Variants in NAPRT observed in about 807,000 individuals in gnomAD.
NAPRT encodes the protein FHA-HIT-interacting protein.
NAPRT carries 66 observed loss-of-function variants against 60.7 expected under a neutral mutation model. The ratio of observed to expected loss-of-function variants is 1.09; its 90% confidence interval spans 0.89 to 1.33. The LOEUF is 1.33. Among genes scored for constraint, NAPRT ranks in the 40% most tolerant of loss-of-function variants. The pLI is 0.00. For synonymous variants in NAPRT, 405 were observed against 335.7 expected, an observed-to-expected ratio of 1.21 and a Z score of -2.26; for missense variants, 818 against 731.5, an observed-to-expected ratio of 1.12 and a Z score of -1.36.
In NAPRT at chr8:143,577,108, T is replaced by C; in HGVS notation, c.638A>G (p.His213Arg). Reference sequence around the variant, plus strand: ...GCCTGAAAAGGAAGTGACGAAGGAGTGGGCCAGGGTCCCGGCCACCGGCAC... The same window carrying C: ...GCCTGAAAAGGAAGTGACGAAGGAGCGGGCCAGGGTCCCGGCCACCGGCAC... ...RGVPVAGTLA[H>R]SFVTSFSGSE... Residue 213 changes from histidine (H) to arginine (R), a missense_variant, in exon 5 of 13, where the codon CAC (histidine) becomes CGC (arginine). Physicochemically the swap from His to Arg is conservative, Grantham distance 29. Coordinates refer to ENST00000449291, the MANE Select transcript of NAPRT (RefSeq NM_145201.6). 1.2e-6 allele frequency: 2 copies of C among 1,612,730 alleles called. No individual in the cohort carries two copies. Among genetic ancestry groups the C allele is most frequent in the Non-Finnish European group, 1.7e-6 (2 of 1,179,852 alleles).
Position 143,576,762 on chromosome 8 carries a change from G to C in NAPRT, c.765C>G (p.Ala255=). Residue 255 remains alanine (A), a synonymous_variant, in exon 6 of 13, where the codon GCC becomes GCG. Transcript: ENST00000449291. ...GCTCCTGCACCCCCAGCCCCAGGTG[G>C]GCACACACCTGCTCCAGCCACACCT... ...KAQVWLEQVC[A]HLGLGVQEPH... The C allele has an allele frequency of 6.2e-7, 1 of 1,607,932 alleles. No individual in the cohort carries two copies. The highest frequency in any genetic ancestry group is 8.5e-7 in the Non-Finnish European group (1 of 1,178,838).
intron 3 of NAPRT, 38 bp from the exon 4 acceptor site, chr8:143,577,437 G>C (rs1824555135): frequency 6.3e-7 from 1 of 1,585,998 alleles, no homozygotes; most frequent in African/African-American, 1.3e-5. Flanking sequence ...CCAGGGTGAG[G>C]ATCACTAGGC....
rs1442248246 is a variant in NAPRT at position 143,574,999 on chromosome 8, G to A, written c.1541C>T (p.Pro514Leu). ...CCTCCCCCCAACCTGGTACTGTGCA[G>A]GGCTCCGCAGCCGCCTGTGCTCAGG... The part of the protein sequence containing the change: ...LSPEHRRLRS[P>L]AQYQVVLSER... Residue 514 changes from proline to leucine, a missense_variant, in exon 12 of 13, where the codon CCT (proline) becomes CTT (leucine). Physicochemically the swap from Pro to Leu is moderately conservative, Grantham distance 98 (BLOSUM62 -3). Coordinates refer to ENST00000449291, the MANE Select transcript of NAPRT (RefSeq NM_145201.6). 7 of 1,529,758 alleles carry A rather than the reference G, an allele frequency of 4.6e-6. No individual in the cohort carries two copies. The African/African-American group carries it at 5.5e-5, about 12-fold the overall frequency. The allele number at this position is 1,529,758 out of a possible 1,614,324, so 94.8% of individuals were successfully genotyped here.
Position 143,575,622 on chromosome 8 carries a change from C to A in NAPRT, c.1188G>T (p.Lys396Asn). The A allele has an allele frequency of 6.3e-7, 1 of 1,592,842 alleles. No homozygotes were observed. The highest frequency in any genetic ancestry group is 8.5e-7 in the Non-Finnish European group (1 of 1,170,378). Reference protein sequence around the residue: ...PQQPSLGGVYKLVAVGGQPRM... With the variant: ...PQQPSLGGVYNLVAVGGQPRM... ...CCTGGGCCCCCGACACTGTCCCTAC[C>A]TTATAGACGCCACCCAGGGAAGGCT... is the stretch of plus-strand genomic sequence containing the variant. Residue 396 changes from lysine (K) to asparagine (N), a missense_variant and splice_region_variant, in exon 9 of 13, where the codon AAG becomes AAT. Physicochemically the swap from Lys to Asn is moderately conservative, Grantham distance 94 (BLOSUM62 0). Coordinates refer to ENST00000449291, the MANE Select transcript of NAPRT (RefSeq NM_145201.6).
In NAPRT at chr8:143,575,249, C is replaced by T; in HGVS notation, c.1388G>A (p.Cys463Tyr). 6.2e-7 allele frequency: 1 copy of T among 1,612,644 alleles called. No homozygotes were observed. Among genetic ancestry groups the T allele is most frequent in the Non-Finnish European group, 8.5e-7 (1 of 1,179,966 alleles). ...RVWPPGAQEP[C>Y]TVRPAQVEPL... Reference sequence around the variant, plus strand: ...CTCCACCTGGGCTGGCCTCACGGTGCAGGGCTCCTGGGCCCCTGGAGGCCA... The same window carrying T: ...CTCCACCTGGGCTGGCCTCACGGTGTAGGGCTCCTGGGCCCCTGGAGGCCA... Residue 463 changes from cysteine to tyrosine, a missense_variant, in exon 11 of 13, where the codon TGC (cysteine) becomes TAC (tyrosine). Physicochemically the swap from Cys to Tyr is radical, Grantham distance 194. Transcript: ENST00000449291.
rs1393823368 is a variant in NAPRT, at chr8:143,577,463, T to C, written c.438-64A>G. 5 of 1,537,816 alleles carry C rather than the reference T, an allele frequency of 3.3e-6. No homozygotes were observed. In the East Asian group the frequency reaches 1.2e-4, roughly 36 times the overall value. On this transcript the variant is annotated intron_variant, in intron 3 of 12. Transcript: ENST00000449291. ...ATCACTAGGCCACCCAAGACGGCGGTTACCTGGGGCCTGGAACTTCCAACC... is the reference window on the plus strand; with the variant it reads ...ATCACTAGGCCACCCAAGACGGCGGCTACCTGGGGCCTGGAACTTCCAACC...
chr8:143,577,321 C>T lies in NAPRT; in HGVS notation c.516G>A (p.Arg172=). The T allele has an allele frequency of 6.2e-7, 1 of 1,605,150 alleles. No homozygotes were observed. The highest frequency in any genetic ancestry group is 8.5e-7 in the Non-Finnish European group (1 of 1,176,946). Residue 172 remains arginine, a synonymous_variant, in exon 4 of 13, where the codon CGG becomes CGA. Transcript: ENST00000449291. ...TCAGGCCCCCATCGGGGCCCTGAGC[C>T]CGCCTCAGGCCCATCTCTAGCAGCC... ...EKRLLEMGLR[R]AQGPDGGLTA... is the part of the protein sequence containing the mutation.
At chr8:143,576,367 T>C in intron 7 of NAPRT, 65 bp downstream of exon 7, 2 of 1,548,412 alleles carry the variant, frequency 1.3e-6, no homozygotes, top group South Asian at 1.2e-5. Flanking sequence ...CTCACTGTCC[T>C]TCCCTGCCCA....
intron 3 of NAPRT, 43 bp from the exon 4 acceptor site, chr8:143,577,442 C>G (rs774009843): frequency 6.4e-5 from 100 of 1,573,642 alleles, no homozygotes; most frequent in Non-Finnish European, 3.5e-6. Flanking sequence ...GTGAGGATCA[C>G]TAGGCCACCC....
downstream of NAPRT, chr8:143,573,031 T>G: frequency 2.6e-6 from 1 of 382,740 alleles, no homozygotes; most frequent in Non-Finnish European, 4.7e-6. Context: ...CCACCCTGAC[T>G]ACCAGCCCCT....
chr8:143,575,977 T>C, intron 8 of NAPRT, 101 bp downstream of exon 8: 1 of 984,608 alleles, frequency 1.0e-6, no homozygotes, highest in Non-Finnish European at 1.5e-6. Context: ...GGGGTGGCAG[T>C]GCCCTGGGCG....
chr8:143,576,051 C>G (rs1193740133), intron 8 of NAPRT, 27 bp downstream of exon 8: 4 of 1,545,712 alleles, frequency 2.6e-6, no homozygotes, highest in Non-Finnish European at 3.5e-6. Context: ...CCCAGCCACC[C>G]TCCGCCTACC....
chr8:143,577,248 T>G (rs1236958877), intron 4 of NAPRT, 21 bp downstream of exon 4: 2 of 1,606,452 alleles, frequency 1.2e-6, no homozygotes, highest in Admixed American at 3.4e-5. Context: ...GCCCTTGCCT[T>G]GCCCCGCACC....
Position 143,577,951 on chromosome 8 carries a change from C to T in NAPRT, c.227-8G>A. Reference sequence around the variant, plus strand: ...AGGCCAGGAACTGCACGTCTGGAAACGAGGTAACTGCGCTGAGACCAGCGC... The same window carrying T: ...AGGCCAGGAACTGCACGTCTGGAAATGAGGTAACTGCGCTGAGACCAGCGC... On this transcript the variant is annotated splice_region_variant and splice_polypyrimidine_tract_variant and intron_variant, in intron 1 of 12. Transcript: ENST00000449291. 1.2e-6 allele frequency: 2 copies of T among 1,606,970 alleles called. No individual in the cohort carries two copies. The highest frequency in any genetic ancestry group is 2.2e-5 in the South Asian group (2 of 90,636).
chr8:143,574,762 G>T, downstream of NAPRT: 3 of 1,532,872 alleles, frequency 2.0e-6, no homozygotes, highest in South Asian at 3.6e-5. Context: ...GTGAACAAAC[G>T]ACACAAACAA....
At position 143,578,323 on chromosome 8, in the gene NAPRT, C is replaced by A; in HGVS notation, c.-5G>T. ...GGGGTCCTGCTCCGCCGCCATCCTGCTCCCGACGTCCGGACTCCGCCCCGC... is the reference window on the plus strand; with the variant it reads ...GGGGTCCTGCTCCGCCGCCATCCTGATCCCGACGTCCGGACTCCGCCCCGC... On this transcript the variant is annotated 5_prime_UTR_variant, in exon 1 of 13. Coordinates refer to ENST00000449291, the MANE Select transcript of NAPRT (RefSeq NM_145201.6). The A allele has an allele frequency of 3.0e-6, 4 of 1,353,384 alleles. No individual in the cohort carries two copies. Among genetic ancestry groups the A allele is most frequent in the Non-Finnish European group, 3.8e-6 (4 of 1,061,712 alleles). The allele number at this position is 1,353,384 out of a possible 1,614,324, so 83.8% of individuals were successfully genotyped here. A position where few individuals can be genotyped will look rare whatever the true frequency, so the allele number is the denominator to read the frequency against.
downstream of NAPRT, chr8:143,574,504 C>T (rs1002724586): frequency 8.3e-5 from 43 of 515,466 alleles, no homozygotes; most frequent in South Asian, 2.3e-4. Flanking sequence ...GCAGCAACTC[C>T]CTCAACTCCA....
Position 143,576,075 on chromosome 8 carries a change from C to T in NAPRT, c.1107+3G>A. On this transcript the variant is annotated splice_donor_region_variant and intron_variant, in intron 8 of 12. Transcript: ENST00000449291. ...CCTCCGCCTACCCACTCATCCACCC[C>T]ACCTCCTGGGCCAGTCGGGCCAGCG... 10 of 1,583,252 alleles carry T rather than the reference C, an allele frequency of 6.3e-6. No homozygotes were observed. The highest frequency in any genetic ancestry group is 8.6e-6 in the Non-Finnish European group (10 of 1,161,484).
At position 143,578,169 on chromosome 8, in the gene NAPRT, G is replaced by C; in HGVS notation, c.150C>G (p.Phe50Leu). 1 of 1,518,174 alleles carries C rather than the reference G, an allele frequency of 6.6e-7. No homozygotes were observed. The highest frequency in any genetic ancestry group is 8.8e-7 in the Non-Finnish European group (1 of 1,138,756). The allele number at this position is 1,518,174 out of a possible 1,614,324, so 94.0% of individuals were successfully genotyped here. The change falls in exon 1 of 13, where the codon TTC (phenylalanine) becomes TTG (leucine). Residue 50 changes from phenylalanine to leucine, a missense_variant. Transcript: ENST00000449291. Reference sequence around the variant, plus strand: ...CGGCGGCCAAGGCGAAGGCGCCGCCGAACGGGCAGCGGCGGAAGAAGAGCT... The same window carrying C: ...CGGCGGCCAAGGCGAAGGCGCCGCCCAACGGGCAGCGGCGGAAGAAGAGCT... ...EFELFFRRCP[F>L]GGAFALAAGL...
Sources: allele counts gnomAD v4.1 joint callset, GRCh38; gene constraint gnomAD v4.1.1; transcripts MANE v1.5; gene names NCBI Gene and HGNC (gene_info 2026-07-23, HGNC 2026-07-21).